The following CEP290 variants were observed in gnomAD, a reference collection of about 807,000 sequenced individuals.
CEP290 encodes the protein centrosomal protein of 290 kDa.
In CEP290, 317 loss-of-function variants were observed where a neutral mutation model predicts 344.9. That is an observed-to-expected ratio of 0.92 (90% CI 0.84 to 1.01). CEP290 has a LOEUF of 1.01. CEP290 is among the 50% of genes least tolerant of loss of function. CEP290 has a pLI of 0.00. For synonymous variants in CEP290, 932 were observed against 895.8 expected, an observed-to-expected ratio of 1.04 and a Z score of -0.72; for missense variants, 2,754 against 2,761.4, an observed-to-expected ratio of 1.00 and a Z score of 0.06.
chr12:88,106,726 C>A lies in CEP290; in HGVS notation c.2766G>T (p.Leu922Phe), dbSNP rs1442875662. 1 of 1,611,758 alleles carries A rather than the reference C, an allele frequency of 6.2e-7. No individual in the cohort carries two copies. The highest frequency in any genetic ancestry group is 1.3e-5 in the African/African-American group (1 of 74,890). ...KENEKQKNELLSMEAEVCEKI... is the reference protein window; with the variant it reads ...KENEKQKNELFSMEAEVCEKI... Reference sequence around the variant, plus strand: ...TTTCACAAACTTCAGCCTCCATTGACAACAATTCATTCTTTTGCTTCTCAT... The same window carrying A: ...TTTCACAAACTTCAGCCTCCATTGAAAACAATTCATTCTTTTGCTTCTCAT... The change falls in exon 25 of 54, where the codon TTG (leucine) becomes TTT (phenylalanine). Residue 922 changes from leucine (L) to phenylalanine (F), a missense_variant. By Grantham distance (22) the Leu-to-Phe change is conservative (BLOSUM62 0). Transcript: ENST00000552810.
At chr12:88,071,539 T>C (rs1411734647) in intron 42 of CEP290, 90 bp from the exon 43 acceptor site, 2 of 1,083,424 alleles carry the variant, frequency 1.8e-6, no homozygotes, top group Non-Finnish European at 2.6e-6. Flanking sequence ...TTACAATAAT[T>C]GTAACACCCT....
chr12:88,135,079 G>T (rs2040281458), intron 6 of CEP290, among the ~76,000 whole-genome samples: 1 of 151,986 alleles, frequency 6.6e-6, no homozygotes. Flanking sequence ...GCTTATTATT[G>T]ACTATGAATA....
At chr12:88,083,715 G>A (rs1216942426) in intron 36 of CEP290, 132 bp downstream of exon 36, 2 of 658,090 alleles carry the variant, frequency 3.0e-6, no homozygotes, top group Non-Finnish European at 5.3e-6. Context: ...AGAATGATCA[G>A]AGCTATGTTT....
rs1352598713 is a variant in CEP290, at chr12:88,083,869, T to C, written c.4790A>G (p.Asn1597Ser). The C allele has an allele frequency of 1.9e-6, 3 of 1,584,662 alleles. No homozygotes were observed. Among genetic ancestry groups the C allele is most frequent in the African/African-American group, 2.7e-5 (2 of 74,076 alleles). The change falls in exon 36 of 54, where the codon AAT (asparagine) becomes AGT (serine). Residue 1597 changes from asparagine (N) to serine (S), a missense_variant. By Grantham distance (46) the Asn-to-Ser change is conservative. Transcript: ENST00000552810. ...TACCCAAGCCGTTTGTTTGAATTTA[T>C]TTAGTGAACTATCAGCCTGTAGTTC... is the stretch of plus-strand genomic sequence containing the variant. ...RLELQADSSL[N>S]KFKQTAWDLM... is the part of the protein sequence containing the mutation.
At chr12:88,100,843 G>C (rs111728410) in intron 26 of CEP290, among the ~76,000 whole-genome samples, 2 of 152,176 alleles carry the variant, frequency 1.3e-5, no homozygotes, top group African/African-American at 4.8e-5. Flanking sequence ...AACTGGAAGA[G>C]AGAAATGGTT....
intron 26 of CEP290, among the ~76,000 whole-genome samples, chr12:88,099,665 T>C (rs2037723757): frequency 6.6e-6 from 1 of 152,124 alleles, no homozygotes; most frequent in African/African-American, 2.4e-5. Context: ...GGACATGCTA[T>C]GATTAAATAA....
intron 6 of CEP290, 137 bp downstream of exon 6, chr12:88,136,506 G>T: frequency 1.2e-6 from 1 of 800,270 alleles, no homozygotes; most frequent in Non-Finnish European, 2.0e-6. Context: ...AATGAACAGT[G>T]ATATAAAACC....
chr12:88,138,441 G>A (rs1189145386), intron 5 of CEP290, among the ~76,000 whole-genome samples: 1 of 152,172 alleles, frequency 6.6e-6, no homozygotes, highest in Non-Finnish European at 1.5e-5. Context: ...AGTTCAGAGA[G>A]TTAACGAGTA....
chr12:88,120,345 T>C, intron 14 of CEP290, 69 bp from the exon 15 acceptor site: 1 of 809,768 alleles, frequency 1.2e-6, no homozygotes, highest in Non-Finnish European at 1.8e-6. Context: ...AGTTCATGAT[T>C]TTTTTTTTAC....
At chr12:88,073,194 T>C (rs1198185795) in intron 41 of CEP290, among the ~76,000 whole-genome samples, 1 of 152,214 alleles carries the variant, frequency 6.6e-6, no homozygotes, top group African/African-American at 2.4e-5. Context: ...CACTAAGTTT[T>C]CTAGGAATAC....
At position 88,103,843 on chromosome 12, in the gene CEP290, A is replaced by C. The variant is rs1454159840; in HGVS notation, c.2818-832T>G. ...TTTTGGCAGCCTTTCTTCTCCATCT[A>C]AGTTAAGTACACACTATTCTATCTT... On this transcript the variant is annotated intron_variant, in intron 25 of 53. Transcript: ENST00000552810. 3 of 152,060 alleles carry C rather than the reference A, an allele frequency of 2.0e-5. No homozygotes were observed. The East Asian group carries it at 5.8e-4, about 29-fold the overall frequency. 9.4% of individuals were successfully genotyped at this position (152,060 alleles called of 1,614,324 possible). A position where few individuals can be genotyped will look rare whatever the true frequency, so the allele number is the denominator to read the frequency against.
At chr12:88,072,589 G>C (rs1278944532) in intron 41 of CEP290, among the ~76,000 whole-genome samples, 6 of 152,132 alleles carry the variant, frequency 3.9e-5, no homozygotes, top group Non-Finnish European at 4.4e-5. Context: ...ATCATGACTA[G>C]AGTAAGCTTC....
chr12:88,110,933 T>C (rs1415023627), intron 22 of CEP290, among the ~76,000 whole-genome samples: 1 of 152,146 alleles, frequency 6.6e-6, no homozygotes, highest in East Asian at 1.9e-4. Flanking sequence ...ATGCTGCTCA[T>C]GCAGATGAAT....
At position 88,092,762 on chromosome 12, in the gene CEP290, C is replaced by T. The variant is rs757526726; in HGVS notation, c.3380G>A (p.Ser1127Asn). Residue 1127 changes from serine to asparagine, a missense_variant, in exon 29 of 54, where the codon AGC (serine) becomes AAC (asparagine). By Grantham distance (46) the Ser-to-Asn change is conservative (BLOSUM62 1). Coordinates refer to ENST00000552810, the MANE Select transcript of CEP290 (RefSeq NM_025114.4). Reference sequence around the variant, plus strand: ...CCTATCAGCATCACTTACTGCCTTGCTCACACTATCAGCTAATTCATCTCT... The same window carrying T: ...CCTATCAGCATCACTTACTGCCTTGTTCACACTATCAGCTAATTCATCTCT... ...MLRDELADSV[S>N]KAVSDADRQR... 1 of 1,610,152 alleles carries T rather than the reference C, an allele frequency of 6.2e-7. No individual in the cohort carries two copies. Among genetic ancestry groups the T allele is most frequent in the South Asian group, 1.1e-5 (1 of 90,264 alleles).
At position 88,089,407 on chromosome 12, in the gene CEP290, A is replaced by G. The variant is rs201838492; in HGVS notation, c.3654T>C (p.Leu1218=). 2.0e-3 allele frequency: 3,288 copies of G among 1,611,908 alleles called. 4 individuals carry two copies. Among genetic ancestry groups the G allele is most frequent in the Non-Finnish European group, 2.2e-3 (2,588 of 1,178,744 alleles). ...VSLQLSEATA[L]GKLESITSKL... ...TAGATGTAATTGACTCCAACTTACC[A>G]AGAGCAGTAGCCTCACTCAGTTGAA... The change falls in exon 31 of 54, where the codon CTT becomes CTC. Residue 1218 remains leucine (L), a synonymous_variant. Coordinates refer to ENST00000552810, the MANE Select transcript of CEP290 (RefSeq NM_025114.4).
At position 88,092,694 on chromosome 12, in the gene CEP290, CTT is replaced by C. The variant is rs386834155; in HGVS notation, c.3446_3447del (p.Lys1149SerfsTer2). The C allele has an allele frequency of 6.2e-7, 1 of 1,608,880 alleles. No individual in the cohort carries two copies. ...ATATGCACTTACTTTGACACTTCAA[CTT>C]TTAGTTCCATTTCATTCTTCTCTAA... ...LELEKNEMEL[K>X]VEVSKLREIS... On this transcript the variant is annotated frameshift_variant, in exon 29 of 54. Transcript: ENST00000552810. LOFTEE classifies it high-confidence loss of function.
chr12:88,084,619 CTTT>C lies in CEP290; in HGVS notation c.4668_4670del (p.Lys1558del). On this transcript the variant is annotated inframe_deletion, in exon 35 of 54. Transcript: ENST00000552810. The stretch of plus-strand genomic sequence containing the variant: ...CTTTTTCTAGAAGACGTTGATACTT[CTTT>C]AATACTTCTTCTTTTTGATTTAACC... 1 of 1,612,428 alleles carries C rather than the reference CTTT, an allele frequency of 6.2e-7. No homozygotes were observed. Among genetic ancestry groups the C allele is most frequent in the Non-Finnish European group, 8.5e-7 (1 of 1,178,616 alleles).
Position 88,089,440 on chromosome 12 carries a change from A to G in CEP290, c.3621T>C (p.Asn1207=), listed in dbSNP as rs761412978. 18 of 1,594,384 alleles carry G rather than the reference A, an allele frequency of 1.1e-5. No individual in the cohort carries two copies. The highest frequency in any genetic ancestry group is 1.4e-5 in the Non-Finnish European group (16 of 1,168,618). ...TAGCCTCACTCAGTTGAAGAGAGAC[A>G]TTATGTTGGTGCAACTTGGCAATGA... ...KSLIAKLHQH[N]VSLQLSEATA... Residue 1207 remains asparagine (N), a synonymous_variant, in exon 31 of 54, where the codon AAT becomes AAC. Transcript: ENST00000552810.
At chr12:88,051,700 G>A (rs2033553413) in intron 52 of CEP290, 1 of 152,042 alleles carries the variant, frequency 6.6e-6, no homozygotes, top group African/African-American at 2.4e-5. Context: ...ACTATCTATG[G>A]CCATATGACC....
Sources: allele counts gnomAD v4.1 joint callset (sites outside exome capture counted in the v4.1 genomes callset), GRCh38; gene constraint gnomAD v4.1.1; transcripts MANE v1.5; gene names NCBI Gene and HGNC (gene_info 2026-07-23, HGNC 2026-07-21).